The following GCA variants were observed in gnomAD, a reference collection of about 807,000 sequenced individuals.
GCA encodes the protein grancalcin, EF-hand calcium-binding protein.
GCA carries 30 observed loss-of-function variants against 32.6 expected under a neutral mutation model. That is an observed-to-expected ratio of 0.92 (90% CI 0.69 to 1.25). The LOEUF is 1.25. Ranked by LOEUF, GCA falls within the 50% of genes most tolerant of loss-of-function variation. The probability of loss-of-function intolerance (pLI) is 0.00; values close to 1 mark genes in which losing one functional copy is unlikely to be tolerated. For missense variants in GCA, 291 were observed against 266.8 expected (o/e 1.09, Z -0.63); for synonymous variants, 102 against 84.6 (o/e 1.21, Z -1.13).
chr2:162,322,223 G>T (rs1043499647), intron 1 of GCA, among the ~76,000 whole-genome samples: 4 of 150,450 alleles, frequency 2.7e-5, no homozygotes, highest in Non-Finnish European at 5.9e-5. Flanking sequence ...AGCAGTTTTG[G>T]CAAAAAATGA....
chr2:162,357,862 C>G (rs953783517), intron 5 of GCA, among the ~76,000 whole-genome samples: 5 of 151,564 alleles, frequency 3.3e-5, no homozygotes, highest in Admixed American at 3.3e-4. Context: ...CTGGATTATC[C>G]AAATTTAAGA....
chr2:162,341,267 T>TTATATATATATATATATA (rs3052040), upstream of GCA, among the ~76,000 whole-genome samples: 48 of 116,232 alleles, frequency 4.1e-4, no homozygotes, highest in South Asian at 6.0e-4. Context: ...CTTATTTATT[T>TTATATATATATATATATA]TATATATATA....
chr2:162,347,130 G>T (rs183494643), intron 1 of GCA, among the ~76,000 whole-genome samples: 2 of 152,172 alleles, frequency 1.3e-5, no homozygotes, highest in East Asian at 1.9e-4. Context: ...TAGTTGTAAA[G>T]AATACAATAC....
At chr2:162,349,933 A>C (rs1325513010) in intron 2 of GCA, among the ~76,000 whole-genome samples, 1 of 152,190 alleles carries the variant, frequency 6.6e-6, no homozygotes, top group Non-Finnish European at 1.5e-5. Context: ...CATTCCCTTG[A>C]GTGTTCACTA....
chr2:162,327,080 T>C (rs1404550036), intron 1 of GCA, among the ~76,000 whole-genome samples: 1 of 152,094 alleles, frequency 6.6e-6, no homozygotes, highest in Admixed American at 6.5e-5. Flanking sequence ...ATGGCCTCCT[T>C]CTGTGGGGTG....
At chr2:162,352,971 T>C (rs933261203) in intron 3 of GCA, among the ~76,000 whole-genome samples, 11 of 152,176 alleles carry the variant, frequency 7.2e-5, no homozygotes, top group Non-Finnish European at 1.6e-4. Flanking sequence ...AAATCACTAG[T>C]TGTCAGGTAT....
At chr2:162,329,231 C>T (rs1333728261) in intron 1 of GCA, among the ~76,000 whole-genome samples, 1 of 152,096 alleles carries the variant, frequency 6.6e-6, no homozygotes, top group African/African-American at 2.4e-5. Flanking sequence ...GGGATCATGC[C>T]CTCCTCTACT....
intron 1 of GCA, among the ~76,000 whole-genome samples, chr2:162,330,762 C>T (rs1035140672): frequency 1.9e-4 from 29 of 152,236 alleles, no homozygotes; most frequent in African/African-American, 6.7e-4. Flanking sequence ...TAGCCTAGGG[C>T]CAACTGAGGA....
chr2:162,357,462 A>G (rs547106753), intron 5 of GCA, among the ~76,000 whole-genome samples: 1 of 151,910 alleles, frequency 6.6e-6, no homozygotes, highest in East Asian at 1.9e-4. Flanking sequence ...ATGGTGTTTA[A>G]TTTGCTTAAA....
intron 5 of GCA, among the ~76,000 whole-genome samples, chr2:162,357,773 T>C (rs946388513): frequency 4.0e-5 from 6 of 151,644 alleles, no homozygotes; most frequent in African/African-American, 1.4e-4. Flanking sequence ...CAGCCTAATG[T>C]TGGGAAATTA....
chr2:162,357,706 A>G (rs1459605938), intron 5 of GCA, among the ~76,000 whole-genome samples: 1 of 151,704 alleles, frequency 6.6e-6, no homozygotes, highest in African/African-American at 2.4e-5. Context: ...CCATATAAAC[A>G]TATGTAGTTC....
downstream of GCA, among the ~76,000 whole-genome samples, chr2:162,374,360 TA>T (rs1236400728): frequency 2.0e-5 from 3 of 152,204 alleles, no homozygotes; most frequent in African/African-American, 7.2e-5. Flanking sequence ...ACTGGCCTGT[TA>T]ATTTCATTCT....
chr2:162,330,404 G>T (rs1003981836), intron 1 of GCA, among the ~76,000 whole-genome samples: 3 of 152,160 alleles, frequency 2.0e-5, no homozygotes, highest in African/African-American at 7.2e-5. Flanking sequence ...GCTGCAGTAG[G>T]TCAAACCATT....
At chr2:162,330,758 A>G (rs1329032064) in intron 1 of GCA, among the ~76,000 whole-genome samples, 12 of 152,198 alleles carry the variant, frequency 7.9e-5, no homozygotes. Flanking sequence ...CTGTTAGCCT[A>G]GGGCCAACTG....
chr2:162,338,480 T>C (rs1179700923), intron 1 of GCA, among the ~76,000 whole-genome samples: 1 of 152,212 alleles, frequency 6.6e-6, no homozygotes, highest in Non-Finnish European at 1.5e-5. Context: ...ATATTTAATT[T>C]ATATATTTCT....
At chr2:162,327,680 G>A (rs1683934487) in intron 1 of GCA, among the ~76,000 whole-genome samples, 1 of 152,174 alleles carries the variant, frequency 6.6e-6, no homozygotes. Flanking sequence ...AGGGTAAGGA[G>A]AGATTCCCTG....
intron 4 of GCA, among the ~76,000 whole-genome samples, chr2:162,368,960 AG>A (rs1685839906): frequency 6.6e-6 from 1 of 152,122 alleles, no homozygotes. Flanking sequence ...TAATAACAGC[AG>A]GAGATCATTG....
rs557104721 is a variant in GCA, at chr2:162,370,060, C to T, written c.366-1246C>T. On this transcript the variant is annotated intron_variant, in intron 4 of 4. Transcript: ENST00000414723. ...ATGCTTTTGCTTACAGATTGCCTTC[C>T]ACATGGATTACCAATTTATGTGACC... is the stretch of plus-strand genomic sequence containing the variant. Among the ~76,000 whole-genome samples the T allele has an allele frequency of 9.9e-5, 15 of 152,236 alleles. No individual in the cohort carries two copies. In the South Asian group the frequency reaches 2.9e-3, roughly 29 times the overall value.
chr2:162,322,413 AT>A (rs35320276), intron 1 of GCA, among the ~76,000 whole-genome samples: 12,668 of 144,588 alleles, frequency 0.088, 1,410 homozygotes, highest in African/African-American at 0.23. Context: ...TTATTTATTT[AT>A]TTATTATTAT....
Sources: gnomAD v4.1 joint callset for allele counts (sites outside exome capture counted in the v4.1 genomes callset) on GRCh38, gnomAD v4.1.1 for gene constraint, MANE v1.5 for transcripts, NCBI Gene and HGNC (gene_info 2026-07-23, HGNC 2026-07-21) for gene names.